Variants in RAPGEF2 observed in about 807,000 individuals in gnomAD.
The protein encoded by RAPGEF2 is PDZ domain containing guanine nucleotide exchange factor (GEF) 1.
RAPGEF2 carries 54 observed loss-of-function variants against 186.7 expected under a neutral mutation model. The observed-to-expected ratio is 0.29, with a 90% CI of 0.23 to 0.36. RAPGEF2 has a LOEUF of 0.36. RAPGEF2 is among the 10% of genes least tolerant of loss of function. The pLI, the probability that RAPGEF2 is intolerant of heterozygous loss-of-function variation, is 1.00. For missense variants in RAPGEF2, 1,532 were observed against 2,045.0 expected, an observed-to-expected ratio of 0.75 and a Z score of 4.84; for synonymous variants, 712 against 705.9, an observed-to-expected ratio of 1.01 and a Z score of -0.14.
rs190982022 is a variant in RAPGEF2, at chr4:159,192,025, C to G, written c.141-1175C>G. Among the ~76,000 whole-genome samples, 332 of 152,216 alleles carry G rather than the reference C, an allele frequency of 2.2e-3. 2 individuals are homozygous for G. Among genetic ancestry groups the G allele is most frequent in the African/African-American group, 7.4e-3 (308 of 41,528 alleles). ...GAGATTTGGGGTGGAAGTAAAGAGG[C>G]CGAGGCAAGAACCCTTCTATTCCAA... On this transcript the variant is annotated intron_variant, in intron 2 of 29. Coordinates refer to ENST00000691494, the MANE Select transcript of RAPGEF2 (RefSeq NM_001394067.2).
chr4:159,353,697 A>G lies in RAPGEF2; in HGVS notation c.4302A>G (p.Pro1434=), dbSNP rs765011612. The G allele has an allele frequency of 2.9e-5, 46 of 1,595,602 alleles. No individual in the cohort carries two copies. Among genetic ancestry groups the G allele is most frequent in the Non-Finnish European group, 3.8e-5 (44 of 1,171,444 alleles). Residue 1434 remains proline, a synonymous_variant, in exon 28 of 30, where the codon CCA becomes CCG. Coordinates refer to ENST00000691494, the MANE Select transcript of RAPGEF2 (RefSeq NM_001394067.2). This position sits in a 1 kb window ranked among gnomAD's most constrained non-coding sequence, Gnocchi z 4.3. ...ACCAGAGAAGCTGGGAGACTCTTCC[A>G]TTCGGGCATACTCACTTTGATTATT... ...IQHQRSWETL[P]FGHTHFDYSG...
At chr4:159,147,036 G>A (rs543649387) in intron 1 of RAPGEF2, among the ~76,000 whole-genome samples, 2 of 152,318 alleles carry the variant, frequency 1.3e-5, no homozygotes, top group Non-Finnish European at 2.9e-5. Context: ...GGCATCAAGC[G>A]TTTCCTCCCC....
At chr4:159,277,977 T>C (rs987573770) in intron 7 of RAPGEF2, among the ~76,000 whole-genome samples, 14 of 152,350 alleles carry the variant, frequency 9.2e-5, no homozygotes, top group African/African-American at 3.4e-4. Flanking sequence ...TTTTTGCTTT[T>C]GTTGCCATTG....
intron 1 of RAPGEF2, among the ~76,000 whole-genome samples, chr4:159,172,279 A>T (rs1449840695): frequency 6.6e-6 from 1 of 152,162 alleles, no homozygotes; most frequent in African/African-American, 2.4e-5. Context: ...GCAGTAGCTG[A>T]TAGACCCAAC....
At chr4:159,142,427 A>ATT (rs1431661523) in intron 1 of RAPGEF2, among the ~76,000 whole-genome samples, 1 of 151,934 alleles carries the variant, frequency 6.6e-6, no homozygotes, top group Non-Finnish European at 1.5e-5. Flanking sequence ...ATGATCAAAT[A>ATT]TTTCATTTCT....
intron 1 of RAPGEF2, among the ~76,000 whole-genome samples, chr4:159,164,320 CCTT>C (rs1213604168): frequency 2.9e-5 from 4 of 136,576 alleles, no homozygotes; most frequent in South Asian, 2.4e-4. Context: ...TTTTTTTTTT[CCTT>C]CTTCTTCTTT....
intron 1 of RAPGEF2, among the ~76,000 whole-genome samples, chr4:159,134,364 A>G (rs1741463625): frequency 6.6e-6 from 1 of 152,086 alleles, no homozygotes; most frequent in Non-Finnish European, 1.5e-5. Context: ...GATGTACTGA[A>G]ATTTGTTTAT....
chr4:159,268,044 C>CT, intron 7 of RAPGEF2: 1 of 1,460,432 alleles, frequency 6.8e-7, no homozygotes, highest in East Asian at 2.5e-5. Context: ...GTTTTCCCTC[C>CT]TCCCTTTTTT....
chr4:159,256,823 T>C (rs190943183), intron 7 of RAPGEF2, among the ~76,000 whole-genome samples: 2 of 152,334 alleles, frequency 1.3e-5, no homozygotes, highest in Non-Finnish European at 2.9e-5. Flanking sequence ...TTCATGTTTG[T>C]TGGCTGCATG....
chr4:159,261,255 G>C (rs1756823018), intron 7 of RAPGEF2, among the ~76,000 whole-genome samples: 1 of 150,924 alleles, frequency 6.6e-6, no homozygotes, highest in Non-Finnish European at 1.5e-5. Context: ...GTAGAGATGG[G>C]GTTTCACTGT....
At chr4:159,122,466 A>C (rs1739806046) in intron 1 of RAPGEF2, among the ~76,000 whole-genome samples, 1 of 152,136 alleles carries the variant, frequency 6.6e-6, no homozygotes, top group South Asian at 2.1e-4. Flanking sequence ...GCGACAGAGC[A>C]AGACTTTGTC....
intron 26 of RAPGEF2, chr4:159,351,145 A>C: frequency 6.5e-7 from 1 of 1,535,626 alleles, no homozygotes; most frequent in Non-Finnish European, 8.7e-7. Context: ...TGAGAACAGT[A>C]ACAAGAATAA....
chr4:159,132,274 A>C (rs766475460), intron 1 of RAPGEF2, among the ~76,000 whole-genome samples: 1 of 152,228 alleles, frequency 6.6e-6, no homozygotes. Context: ...CTGCAGAATG[A>C]AAGAGTTACT....
At chr4:159,152,155 C>T (rs570973443) in intron 1 of RAPGEF2, among the ~76,000 whole-genome samples, 1 of 152,092 alleles carries the variant, frequency 6.6e-6, no homozygotes, top group Non-Finnish European at 1.5e-5. Context: ...AACCTCGTCT[C>T]TACAAAAAAT....
At chr4:159,245,657 A>G (rs138646345) in intron 7 of RAPGEF2, among the ~76,000 whole-genome samples, 17 of 152,170 alleles carry the variant, frequency 1.1e-4, no homozygotes, top group African/African-American at 3.8e-4. Flanking sequence ...ATTCCATATT[A>G]AAAATGGAGA....
At chr4:159,288,166 GC>G (rs973249347) in intron 7 of RAPGEF2, among the ~76,000 whole-genome samples, 15 of 152,128 alleles carry the variant, frequency 9.9e-5, no homozygotes, top group African/African-American at 3.6e-4. Flanking sequence ...ACCTCCTGAT[GC>G]TAATTCCTGG....
intron 9 of RAPGEF2, among the ~76,000 whole-genome samples, chr4:159,320,431 T>C (rs1165476753): frequency 6.6e-6 from 1 of 152,230 alleles, no homozygotes; most frequent in Non-Finnish European, 1.5e-5. Context: ...ACGTATTCTT[T>C]CTATAACTGA....
chr4:159,248,426 AAAGTATCCTTTGCTTTTC>A (rs1462894421), intron 7 of RAPGEF2, among the ~76,000 whole-genome samples: 1 of 152,210 alleles, frequency 6.6e-6, no homozygotes, highest in Non-Finnish European at 1.5e-5. Flanking sequence ...AGTGGTGTCA[AAAGTATCCTTTGCTTTTC>A]ACGCCCATTA....
At chr4:159,264,232 T>G (rs1413478175) in intron 7 of RAPGEF2, among the ~76,000 whole-genome samples, 1 of 152,200 alleles carries the variant, frequency 6.6e-6, no homozygotes, top group Non-Finnish European at 1.5e-5. Flanking sequence ...ATTATGAGTT[T>G]TAAGATGTGT....
Sources: gnomAD v4.1 joint callset for allele counts (sites outside exome capture counted in the v4.1 genomes callset) on GRCh38, gnomAD v4.1.1 for gene constraint, Gnocchi (gnomAD v3.1) non-coding constraint, MANE v1.5 for transcripts, NCBI Gene and HGNC (gene_info 2026-07-23, HGNC 2026-07-21) for gene names.